GYG1: variants seen among roughly 807,000 people sequenced by gnomAD.
GYG1 encodes the protein glycogenin 1.
In GYG1, 44 loss-of-function variants were observed where a neutral mutation model predicts 41.9. The observed-to-expected ratio is 1.05, with a 90% confidence interval of 0.83 to 1.35. The LOEUF (loss-of-function observed/expected upper bound fraction) is 1.35. Among genes scored for constraint, GYG1 ranks in the 40% most tolerant of loss-of-function variants. GYG1 has a pLI of 0.00. For missense variants in GYG1, 429 were observed against 418.9 expected (o/e 1.02, Z -0.21); for synonymous variants, 141 against 158.1 (o/e 0.89, Z 0.81).
intron 5 of GYG1, among the ~76,000 whole-genome samples, chr3:149,021,242 C>A (rs950152007): frequency 1.3e-5 from 2 of 152,176 alleles, no homozygotes; most frequent in African/African-American, 4.8e-5. Context: ...CCTTTTGGGG[C>A]CACACACTGA....
At position 149,031,382 on chromosome 3, in the gene GYG1, TAA is replaced by T. The variant is rs898619135; in HGVS notation, c.*4451_*4452del. The T allele has an allele frequency of 6.6e-6, 1 of 152,594 alleles. No individual in the cohort carries two copies. The highest frequency in any genetic ancestry group is 2.4e-5 in the African/African-American group (1 of 41,458). The allele number at this position is 152,594 out of a possible 1,614,324, so 9.5% of individuals were successfully genotyped here. ...TAGTCTTCTGAATTATAAAAATTTA[TAA>T]AGTTACTTCCAAAAAAAGCTACATA... On this transcript the variant is annotated 3_prime_UTR_variant, in exon 8 of 8. Coordinates refer to ENST00000345003, the MANE Select transcript of GYG1 (RefSeq NM_004130.4).
In GYG1 at chr3:149,007,663, G is replaced by A. The variant is rs561618361; in HGVS notation, c.482-1613G>A. Among the ~76,000 whole-genome samples, 116 of 152,250 alleles carry A rather than the reference G, an allele frequency of 7.6e-4. 1 individual carries two copies. The highest frequency in any genetic ancestry group is 2.7e-3 in the African/African-American group (113 of 41,560). On this transcript the variant is annotated intron_variant, in intron 4 of 7. Coordinates refer to ENST00000345003, the MANE Select transcript of GYG1 (RefSeq NM_004130.4). ...AAAGTAAGGAAAATTGAATAGTAAC[G>A]ACAGCCGACTGGACTTGCTGTATGT...
intron 6 of GYG1, 81 bp downstream of exon 6, chr3:149,024,353 TAGC>T (rs1714537309): frequency 3.4e-6 from 3 of 870,830 alleles, no homozygotes; most frequent in Admixed American, 1.8e-5. Context: ...GTGGAATATT[TAGC>T]AGCATTTTAA....
At chr3:148,991,900 T>G (rs1257536445) in intron 1 of GYG1, among the ~76,000 whole-genome samples, 1 of 152,188 alleles carries the variant, frequency 6.6e-6, no homozygotes, top group East Asian at 1.9e-4. Context: ...TGCTTCCGTC[T>G]CCTCGTCCTT....
intron 4 of GYG1, among the ~76,000 whole-genome samples, chr3:149,003,114 AT>A (rs34946711): frequency 0.45 from 58,060 of 129,832 alleles, 11,627 homozygotes; most frequent in Middle Eastern, 0.58. Flanking sequence ...TTTTACTATA[AT>A]TTTTTTTTTT....
intron 4 of GYG1, among the ~76,000 whole-genome samples, chr3:149,006,486 T>TA: frequency 6.6e-6 from 1 of 152,256 alleles, no homozygotes; most frequent in Admixed American, 6.5e-5. Flanking sequence ...TGATGTTATA[T>TA]AAATGAAATT....
At chr3:149,024,363 T>G in intron 6 of GYG1, 91 bp downstream of exon 6, 2 of 825,986 alleles carry the variant, frequency 2.4e-6, no homozygotes, top group Non-Finnish European at 4.2e-6. Context: ...TAGCAGCATT[T>G]TAAACAAAGA....
chr3:149,010,177 C>A (rs1170631896), intron 5 of GYG1, among the ~76,000 whole-genome samples: 1 of 152,188 alleles, frequency 6.6e-6, no homozygotes, highest in African/African-American at 2.4e-5. Flanking sequence ...GGTGCCTCAG[C>A]TCCTCCATAT....
At chr3:148,999,959 TCCTG>T (rs1406807720) in intron 4 of GYG1, among the ~76,000 whole-genome samples, 1 of 152,214 alleles carries the variant, frequency 6.6e-6, no homozygotes, top group Non-Finnish European at 1.5e-5. Flanking sequence ...TTAACCTCTT[TCCTG>T]TGTTCATCAG....
intron 4 of GYG1, among the ~76,000 whole-genome samples, chr3:149,002,798 A>G (rs1370534990): frequency 6.6e-6 from 1 of 152,208 alleles, no homozygotes; most frequent in Non-Finnish European, 1.5e-5. Context: ...AGGCAGGTGG[A>G]TCACTTGAGG....
intron 2 of GYG1, among the ~76,000 whole-genome samples, 173 bp from the exon 3 acceptor site, chr3:148,996,129 A>C (rs1712770590): frequency 6.6e-6 from 1 of 152,244 alleles, no homozygotes; most frequent in African/African-American, 2.4e-5. Context: ...ATGCAAATAA[A>C]CACAGTTTGT....
At chr3:149,000,773 G>T (rs1713050419) in intron 4 of GYG1, among the ~76,000 whole-genome samples, 1 of 152,166 alleles carries the variant, frequency 6.6e-6, no homozygotes, top group Non-Finnish European at 1.5e-5. Flanking sequence ...CTAAGCTTTT[G>T]ATTGGTGTAC....
intron 1 of GYG1, among the ~76,000 whole-genome samples, chr3:148,993,652 A>G (rs1284300448): frequency 1.3e-5 from 2 of 152,204 alleles, no homozygotes; most frequent in Non-Finnish European, 2.9e-5. Flanking sequence ...TAAAAAATAC[A>G]TACATACATA....
chr3:149,000,302 A>G (rs1396300138), intron 4 of GYG1, among the ~76,000 whole-genome samples: 1 of 152,212 alleles, frequency 6.6e-6, no homozygotes, highest in East Asian at 1.9e-4. Context: ...ATACTGTTGT[A>G]TTTTCAAACT....
At chr3:148,996,718 A>G (rs760225151) in intron 3 of GYG1, 24 bp from the exon 4 acceptor site, 2 of 1,606,346 alleles carry the variant, frequency 1.2e-6, no homozygotes, top group Admixed American at 1.7e-5. Context: ...CATTTCTGTA[A>G]TGCTCTTTCT....
intron 5 of GYG1, among the ~76,000 whole-genome samples, chr3:149,010,871 C>G (rs1050022328): frequency 2.0e-5 from 3 of 152,182 alleles, no homozygotes; most frequent in African/African-American, 7.2e-5. Context: ...TAGCGGAAAA[C>G]AAAGGGCCTT....
In GYG1 at chr3:149,003,025, AATAATAG is replaced by A. The variant is rs1713181879; in HGVS notation, c.481+6125_481+6131del. On this transcript the variant is annotated intron_variant, in intron 4 of 7. Transcript: ENST00000345003. ...GAGCAAGACTCTGTCTCTGTAAATA[AATAATAG>A]ATAGATAGATAGAAGTGAGTCACAT... is the stretch of plus-strand genomic sequence containing the variant. 2.6e-5 allele frequency among the ~76,000 whole-genome samples: 4 copies of A among 152,224 alleles called. No individual in the cohort carries two copies. The South Asian group carries it at 8.3e-4, about 32-fold the overall frequency.
chr3:149,011,247 T>A (rs1050286779), intron 5 of GYG1, among the ~76,000 whole-genome samples: 1 of 152,202 alleles, frequency 6.6e-6, no homozygotes, highest in Non-Finnish European at 1.5e-5. Flanking sequence ...GTGTCTCACA[T>A]GGAAATGTGA....
intron 4 of GYG1, among the ~76,000 whole-genome samples, chr3:149,006,125 C>T (rs1576543933): frequency 6.7e-6 from 1 of 149,838 alleles, no homozygotes; most frequent in African/African-American, 2.5e-5. Flanking sequence ...CTCTGTCACC[C>T]TGCCTTGAGT....
Sources: gnomAD v4.1 joint callset for allele counts (sites outside exome capture counted in the v4.1 genomes callset) on GRCh38, gnomAD v4.1.1 for gene constraint, MANE v1.5 for transcripts, NCBI Gene and HGNC (gene_info 2026-07-23, HGNC 2026-07-21) for gene names.